The following SEMA6D variants were observed in gnomAD, a reference collection of about 807,000 sequenced individuals.
SEMA6D encodes the protein semaphorin 6D.
SEMA6D carries 35 observed loss-of-function variants against 106.6 expected under a neutral mutation model. That is an observed-to-expected ratio of 0.33 (90% CI 0.25 to 0.44). The LOEUF is 0.44. Ranked by LOEUF, SEMA6D falls within the 20% of genes least tolerant of loss-of-function variation. SEMA6D has a pLI of 1.00. For missense variants in SEMA6D, 1,185 were observed against 1,345.9 expected (o/e 0.88, Z 1.87); for synonymous variants, 499 against 487.7 (o/e 1.02, Z -0.31).
intron 3 of SEMA6D, among the ~76,000 whole-genome samples, chr15:47,585,958 G>T (rs1018954499): frequency 4.6e-5 from 7 of 152,170 alleles, no homozygotes; most frequent in Non-Finnish European, 7.3e-5. Context: ...TTTTAAAGGA[G>T]GGATGAGACT....
intron 1 of SEMA6D, among the ~76,000 whole-genome samples, chr15:47,286,254 C>G (rs1305321640): frequency 6.6e-6 from 1 of 152,114 alleles, no homozygotes. Context: ...TGAACTTGCC[C>G]AGTGTGCAGA....
intron 1 of SEMA6D, among the ~76,000 whole-genome samples, chr15:47,407,467 C>T (rs1019043417): frequency 2.7e-5 from 4 of 149,684 alleles, no homozygotes; most frequent in East Asian, 3.9e-4. Context: ...TCCAAACAAC[C>T]AGAATGTGTG....
At chr15:47,478,258 A>T (rs2043053968) in intron 3 of SEMA6D, among the ~76,000 whole-genome samples, 1 of 152,150 alleles carries the variant, frequency 6.6e-6, no homozygotes, top group Non-Finnish European at 1.5e-5. Flanking sequence ...GCCTCTTTCT[A>T]TTTTGACTGC....
At chr15:47,422,180 G>GCCTGCCTGCCTTCCTGCCTTCCTT (rs1455030787) in intron 2 of SEMA6D, among the ~76,000 whole-genome samples, 2 of 112,814 alleles carry the variant, frequency 1.8e-5, no homozygotes, top group Non-Finnish European at 3.7e-5. Flanking sequence ...CCGCCTGCCT[G>GCCTGCCTGCCTTCCTGCCTTCCTT]CCTTCCTTCC....
chr15:47,767,148 C>T, intron 17 of SEMA6D, 55 bp downstream of exon 17: 1 of 1,200,384 alleles, frequency 8.3e-7, no homozygotes, highest in Non-Finnish European at 1.2e-6. Context: ...TTCAGTTCAG[C>T]ATTTTCAGCC....
rs948940269 is a variant in SEMA6D at position 47,587,797 on chromosome 15, T to C, written c.-86-13068T>C. On this transcript the variant is annotated intron_variant, in intron 3 of 19. Transcript: ENST00000558014. Reference sequence around the variant, plus strand: ...ACATTTTTTACTTTTTCTTTCTTTTTTTTTTTTAATTGAGATGTCACTTTG... The same window carrying C: ...ACATTTTTTACTTTTTCTTTCTTTTCTTTTTTTAATTGAGATGTCACTTTG... 2.5e-4 allele frequency among the ~76,000 whole-genome samples: 38 copies of C among 152,250 alleles called. 1 individual carries two copies. Among genetic ancestry groups the C allele is most frequent in the Admixed American group, 8.5e-4 (13 of 15,298 alleles).
At position 47,702,938 on chromosome 15, in the gene SEMA6D, G is replaced by A. The variant is rs118177585; in HGVS notation, c.-54-56807G>A. On this transcript the variant is annotated intron_variant, in intron 4 of 19. Coordinates refer to the SEMA6D transcript ENST00000558014. The stretch of plus-strand genomic sequence containing the variant: ...TGTATAATACCATAATAGTGGATAC[G>A]TGTCATTATGCATTCATCCAAACTC... 9.3e-3 allele frequency among the ~76,000 whole-genome samples: 1,410 copies of A among 152,184 alleles called. 12 individuals carry two copies. Among genetic ancestry groups the A allele is most frequent in the Admixed American group, 0.018 (271 of 15,272 alleles).
At chr15:47,501,744 G>T (rs530355115) in intron 3 of SEMA6D, among the ~76,000 whole-genome samples, 1 of 152,158 alleles carries the variant, frequency 6.6e-6, no homozygotes, top group South Asian at 2.1e-4. Flanking sequence ...TGCAGCAAAA[G>T]AAATTAAATT....
intron 1 of SEMA6D, among the ~76,000 whole-genome samples, chr15:47,322,568 A>G (rs1183037324): frequency 6.6e-6 from 1 of 152,202 alleles, no homozygotes; most frequent in Non-Finnish European, 1.5e-5. Context: ...TCGGGGATAC[A>G]TGATGGCTAT....
chr15:47,304,009 G>A (rs1291154420), intron 1 of SEMA6D, among the ~76,000 whole-genome samples: 1 of 152,166 alleles, frequency 6.6e-6, no homozygotes, highest in African/African-American at 2.4e-5. Flanking sequence ...CTGATCAAAT[G>A]TGGAGGGTGT....
intron 3 of SEMA6D, among the ~76,000 whole-genome samples, chr15:47,522,367 C>T (rs2044614121): frequency 6.6e-6 from 1 of 152,270 alleles, no homozygotes; most frequent in Admixed American, 6.5e-5. Context: ...CTCCCTTGTG[C>T]TATTTCCCAC....
chr15:47,210,003 G>T (rs1239106401), intron 1 of SEMA6D, among the ~76,000 whole-genome samples: 2 of 152,112 alleles, frequency 1.3e-5, no homozygotes, highest in East Asian at 3.9e-4. Context: ...AAGGGAGTGG[G>T]ATAAAGAAAA....
At chr15:47,654,650 A>G (rs1283717003) in intron 4 of SEMA6D, among the ~76,000 whole-genome samples, 1 of 152,198 alleles carries the variant, frequency 6.6e-6, no homozygotes, top group Non-Finnish European at 1.5e-5. Context: ...CTCATTGGTG[A>G]TAAGTGAGCT....
intron 1 of SEMA6D, among the ~76,000 whole-genome samples, chr15:47,318,573 T>C (rs1460372015): frequency 2.0e-5 from 3 of 149,670 alleles, no homozygotes; most frequent in Middle Eastern, 3.2e-3. Context: ...CAATTTCATT[T>C]ATGTCCCTAC....
intron 3 of SEMA6D, among the ~76,000 whole-genome samples, chr15:47,533,961 A>T (rs2045065649): frequency 6.6e-6 from 1 of 152,196 alleles, no homozygotes; most frequent in South Asian, 2.1e-4. Flanking sequence ...GTTTCATTGT[A>T]AAATGTTACT....
intron 1 of SEMA6D, among the ~76,000 whole-genome samples, chr15:47,349,086 C>T (rs1219401804): frequency 6.6e-6 from 1 of 150,656 alleles, no homozygotes; most frequent in East Asian, 2.0e-4. Flanking sequence ...CCCACCTCTT[C>T]CAGAGCAGAC....
At chr15:47,590,164 AT>A (rs1370485869) in intron 3 of SEMA6D, among the ~76,000 whole-genome samples, 2 of 152,198 alleles carry the variant, frequency 1.3e-5, no homozygotes, top group African/African-American at 4.8e-5. Flanking sequence ...GATTAAGAAA[AT>A]GTGGCACAGA....
chr15:47,763,821 C>G (rs769692652), intron 9 of SEMA6D, 29 bp from the exon 10 acceptor site: 72 of 1,582,128 alleles, frequency 4.6e-5, no homozygotes, highest in Non-Finnish European at 6.1e-5. Flanking sequence ...GCTCATAACC[C>G]CATTGCTTTG....
chr15:47,762,889 G>A (rs2082139419), intron 8 of SEMA6D, 127 bp from the exon 9 acceptor site: 2 of 664,404 alleles, frequency 3.0e-6, no homozygotes, highest in East Asian at 2.9e-5. Flanking sequence ...CAAAGTCATT[G>A]GCAGATTGGA....
Sources: allele counts gnomAD v4.1 joint callset (sites outside exome capture counted in the v4.1 genomes callset), GRCh38; gene constraint gnomAD v4.1.1; transcripts MANE v1.5; gene names NCBI Gene and HGNC (gene_info 2026-07-23, HGNC 2026-07-21).